OMA1: variants seen among roughly 807,000 people sequenced by gnomAD.
OMA1 encodes the protein OMA1 zinc metallopeptidase, also known as metalloendopeptidase OMA1, mitochondrial.
OMA1 carries 38 observed loss-of-function variants against 30.9 expected under a neutral mutation model. The observed-to-expected ratio is 1.23, with a 90% CI of 0.95 to 1.61. The LOEUF is 1.61. Among genes scored for constraint, OMA1 ranks in the 40% most tolerant of loss-of-function variants. OMA1 has a pLI of 0.00. For missense variants in OMA1, 461 were observed against 349.2 expected (o/e 1.32, Z -2.55); for synonymous variants, 173 against 121.9 (o/e 1.42, Z -2.76).
intron 8 of OMA1, among the ~76,000 whole-genome samples, chr1:58,502,305 A>G (rs1372664293): frequency 6.6e-6 from 1 of 152,212 alleles, no homozygotes; most frequent in African/African-American, 2.4e-5. Flanking sequence ...ATCTGATCCA[A>G]CACAGGCTCT....
Position 58,506,113 on chromosome 1 carries a change from T to C in OMA1, c.1312A>G (p.Thr438Ala), listed in dbSNP as rs1645985162. ...GQPKMPEWLS[T>A]HPSHGNRVEY... ...ACTCGATTGCCATGAGAAGGGTGTG[T>C]AGATAACCATTCTGGCATCTTGGGT... Residue 438 changes from threonine (T) to alanine (A), a missense_variant, in exon 8 of 9, where the codon ACA becomes GCA. Thr to Ala is a moderately conservative substitution (Grantham distance 58, BLOSUM62 0). Transcript: ENST00000371226. 2.3e-6 allele frequency: 2 copies of C among 872,422 alleles called. No individual in the cohort carries two copies. Among genetic ancestry groups the C allele is most frequent in the Non-Finnish European group, 4.0e-6 (2 of 501,250 alleles). The allele number at this position is 872,422 out of a possible 1,614,324, so 54.0% of individuals were successfully genotyped here. A position where few individuals can be genotyped will look rare whatever the true frequency, so the allele number is the denominator to read the frequency against.
intron 8 of OMA1, among the ~76,000 whole-genome samples, chr1:58,505,150 C>A (rs1188207925): frequency 6.6e-6 from 1 of 152,132 alleles, no homozygotes; most frequent in Non-Finnish European, 1.5e-5. Context: ...CAGGGTTTCA[C>A]CCCGTTGGCC....
intron 1 of OMA1, among the ~76,000 whole-genome samples, chr1:58,540,163 T>C (rs1367982396): frequency 1.3e-5 from 2 of 152,084 alleles, no homozygotes; most frequent in African/African-American, 4.8e-5. Flanking sequence ...CAGAAGGGTT[T>C]TGCCTCAACA....
intron 7 of OMA1, among the ~76,000 whole-genome samples, chr1:58,520,647 A>G (rs1362177894): frequency 1.3e-5 from 2 of 152,174 alleles, no homozygotes; most frequent in Non-Finnish European, 2.9e-5. Flanking sequence ...GCAAGCACTA[A>G]CTGAAAGAAA....
chr1:58,484,551 A>C (rs564840683), intron 8 of OMA1, among the ~76,000 whole-genome samples: 1 of 152,160 alleles, frequency 6.6e-6, no homozygotes, highest in Non-Finnish European at 1.5e-5. Context: ...ATATCAGCTC[A>C]ATTTTACAGA....
At chr1:58,511,665 G>A (rs749086928) in intron 7 of OMA1, among the ~76,000 whole-genome samples, 2 of 152,034 alleles carry the variant, frequency 1.3e-5, no homozygotes, top group South Asian at 2.1e-4. Flanking sequence ...ACCCCACAAT[G>A]AGGAAAGAGC....
chr1:58,489,250 T>C (rs1302497586), intron 8 of OMA1, among the ~76,000 whole-genome samples: 2 of 152,178 alleles, frequency 1.3e-5, no homozygotes, highest in Admixed American at 1.3e-4. Flanking sequence ...ACCCTAATAC[T>C]GCAATTTTCC....
chr1:58,537,055 T>C (rs1406270126), intron 2 of OMA1, among the ~76,000 whole-genome samples: 3 of 150,016 alleles, frequency 2.0e-5, no homozygotes, highest in Non-Finnish European at 4.4e-5. Context: ...ATCTAGTACA[T>C]GCAAAATTCT....
chr1:58,541,643 C>CAAAAAAAAAAAAAAAAAAAAAAAA (rs1646621965), intron 1 of OMA1: 3 of 104,212 alleles, frequency 2.9e-5, no homozygotes, highest in Non-Finnish European at 6.1e-5. Flanking sequence ...AAAAAAAAAC[C>CAAAAAAAAAAAAAAAAAAAAAAAA]AAAAACAAAA....
chr1:58,539,886 A>G (rs1646577723), intron 1 of OMA1, among the ~76,000 whole-genome samples: 1 of 152,188 alleles, frequency 6.6e-6, no homozygotes. Context: ...CAAGTAAACC[A>G]AGGTTGCTAG....
intron 7 of OMA1, among the ~76,000 whole-genome samples, chr1:58,509,413 A>G (rs1036665478): frequency 4.7e-5 from 7 of 150,462 alleles, no homozygotes; most frequent in African/African-American, 1.7e-4. Flanking sequence ...TGGGTCAAGG[A>G]AAAAAAAACC....
chr1:58,536,874 T>C (rs1378277199), intron 2 of OMA1, 133 bp from the exon 3 acceptor site: 1 of 580,290 alleles, frequency 1.7e-6, no homozygotes, highest in Non-Finnish European at 3.1e-6. Context: ...AATACATCGC[T>C]TTTCCAATTA....
At chr1:58,524,995 G>C (rs529581132) in intron 7 of OMA1, among the ~76,000 whole-genome samples, 1 of 152,260 alleles carries the variant, frequency 6.6e-6, no homozygotes, top group Middle Eastern at 3.4e-3. Context: ...AAAACTATAA[G>C]AGTAGTACCA....
In OMA1 at chr1:58,518,344, AGAAGAGAAGG is replaced by A. The variant is rs1557450374; in HGVS notation, c.1215+8907_1215+8916del. ...AGAAGAGAAGAGAAGAGAAGAGAAG[AGAAGAGAAGG>A]GAAGGGAAGAGAAGAGAAGGGAAGA... On this transcript the variant is annotated intron_variant, in intron 7 of 8. Transcript: ENST00000371226. 1.7e-3 allele frequency among the ~76,000 whole-genome samples: 147 copies of A among 88,936 alleles called. 3 individuals are homozygous for A. The highest frequency in any genetic ancestry group is 2.3e-3 in the East Asian group (6 of 2,612). 58.3% of individuals were successfully genotyped at this position (88,936 alleles called of 152,430 possible).
intron 1 of OMA1, among the ~76,000 whole-genome samples, chr1:58,545,077 C>T (rs1023770206): frequency 6.6e-6 from 1 of 152,110 alleles, no homozygotes; most frequent in Non-Finnish European, 1.5e-5. Context: ...CTTCATATGG[C>T]GAACCAGGCC....
At chr1:58,491,369 T>C (rs373680544) in intron 8 of OMA1, among the ~76,000 whole-genome samples, 2 of 152,008 alleles carry the variant, frequency 1.3e-5, no homozygotes, top group Middle Eastern at 3.2e-3. Context: ...ACGAGCAAAA[T>C]AACCAGCTAA....
intron 7 of OMA1, among the ~76,000 whole-genome samples, chr1:58,518,626 CTTTATCTA>C (rs747661151): frequency 0.31 from 47,216 of 151,756 alleles, 7,790 homozygotes; most frequent in African/African-American, 0.42. Flanking sequence ...GAACGAATAT[CTTTATCTA>C]TAAACCCTGG....
In OMA1 at chr1:58,534,202, T is replaced by C; in HGVS notation, c.859A>G (p.Ile287Val). The C allele has an allele frequency of 1.1e-6, 1 of 871,900 alleles. No homozygotes were observed. The allele number at this position is 871,900 out of a possible 1,614,324, so 54.0% of individuals were successfully genotyped here. A position where few individuals can be genotyped will look rare whatever the true frequency, so the allele number is the denominator to read the frequency against. Reference protein sequence around the residue: ...VPGISQINWVIHVVDSPIINA... With the variant: ...VPGISQINWVVHVVDSPIINA... ...ATAATTGGGGAATCAACCACATGAA[T>C]AACCCAATTGATCTGAGAGATCCCT... Residue 287 changes from isoleucine (I) to valine (V), a missense_variant, in exon 4 of 9, where the codon ATT (isoleucine) becomes GTT (valine). Physicochemically the swap from Ile to Val is conservative, Grantham distance 29. Coordinates refer to ENST00000371226, the MANE Select transcript of OMA1 (RefSeq NM_145243.5).
intron 8 of OMA1, among the ~76,000 whole-genome samples, chr1:58,499,509 A>ATAGATAGATAAATAG (rs776144705): frequency 1.4e-4 from 6 of 42,856 alleles, no homozygotes; most frequent in African/African-American, 3.6e-4. Flanking sequence ...TAGATAGATA[A>ATAGATAGATAAATAG]ATAGATAGAT....
Sources: gnomAD v4.1 joint callset for allele counts (sites outside exome capture counted in the v4.1 genomes callset) on GRCh38, gnomAD v4.1.1 for gene constraint, MANE v1.5 for transcripts, NCBI Gene and HGNC (gene_info 2026-07-23, HGNC 2026-07-21) for gene names.